The following MARCHF3 variants were observed in gnomAD, a reference collection of about 807,000 sequenced individuals.
MARCHF3 encodes the protein membrane associated ring-CH-type finger 3, also known as E3 ubiquitin-protein ligase MARCHF3.
MARCHF3 carries 13 observed loss-of-function variants against 24.2 expected under a neutral mutation model. The ratio of observed to expected loss-of-function variants is 0.54; its 90% CI spans 0.35 to 0.85. The LOEUF (loss-of-function observed/expected upper bound fraction) is 0.85, where lower values mean the gene tolerates loss of function less well. Ranked by LOEUF, MARCHF3 falls within the 40% of genes least tolerant of loss-of-function variation. The probability of loss-of-function intolerance (pLI) is 0.01; values close to 1 mark genes in which losing one functional copy is unlikely to be tolerated. For synonymous variants in MARCHF3, 144 were observed against 137.3 expected (o/e 1.05, Z -0.34); for missense variants, 276 against 325.0 (o/e 0.85, Z 1.16).
Position 126,911,376 on chromosome 5 carries a change from C to T in MARCHF3, c.393+3554G>A, listed in dbSNP as rs540083215. Among the ~76,000 whole-genome samples the T allele has an allele frequency of 1.5e-4, 23 of 152,324 alleles. No individual in the cohort carries two copies. The South Asian group carries it at 3.9e-3, about 26-fold the overall frequency. On this transcript the variant is annotated intron_variant, in intron 3 of 4. Coordinates refer to ENST00000308660, the MANE Select transcript of MARCHF3 (RefSeq NM_178450.5). ...GCCGACATGTGATGTCTCCCCCAGACACCCAGCTTTAAAATTTCTCTCTTT... is the reference window on the plus strand; with the variant it reads ...GCCGACATGTGATGTCTCCCCCAGATACCCAGCTTTAAAATTTCTCTCTTT...
At chr5:126,891,212 G>C (rs1432083372) in intron 3 of MARCHF3, among the ~76,000 whole-genome samples, 3 of 151,288 alleles carry the variant, frequency 2.0e-5, no homozygotes, top group South Asian at 2.1e-4. Context: ...GAGTAGGTTG[G>C]GAAAATTTTC....
intron 1 of MARCHF3, among the ~76,000 whole-genome samples, chr5:126,974,189 G>A (rs1305624988): frequency 2.0e-5 from 3 of 152,068 alleles, no homozygotes; most frequent in Admixed American, 6.5e-5. Flanking sequence ...GAGCCACCGC[G>A]CCCGGCCGCA....
chr5:126,973,879 ATTTTTTTTTTT>A (rs10585434), intron 1 of MARCHF3, among the ~76,000 whole-genome samples: 51 of 82,976 alleles, frequency 6.1e-4, no homozygotes, highest in East Asian at 1.2e-3. Flanking sequence ...AGCAAAATCT[ATTTTTTTTTTT>A]TTTTTTTTTT....
chr5:126,901,131 A>C (rs1301825939), intron 3 of MARCHF3, among the ~76,000 whole-genome samples: 1 of 152,130 alleles, frequency 6.6e-6, no homozygotes, highest in East Asian at 1.9e-4. Context: ...AATATCTGCT[A>C]TGAGAAGGAT....
chr5:127,011,137 C>T (rs1334103540), intron 1 of MARCHF3, among the ~76,000 whole-genome samples: 1 of 152,154 alleles, frequency 6.6e-6, no homozygotes, highest in Non-Finnish European at 1.5e-5. Flanking sequence ...ATGAAATAAT[C>T]CTAGTTCAAA....
rs1208350804 is a variant in MARCHF3, at chr5:126,985,608, ACAGGC to A, written c.-57+44737_-57+44741del. Among the ~76,000 whole-genome samples, 4 of 151,740 alleles carry A rather than the reference ACAGGC, an allele frequency of 2.6e-5. No individual in the cohort carries two copies. The East Asian group carries it at 7.7e-4, about 29-fold the overall frequency. On this transcript the variant is annotated intron_variant, in intron 1 of 4. Transcript: ENST00000308660. ...CCTCACCTCCCGAATAGCTGGGACTACAGGCGCCCGCCACCACGCCTGGCTAATTT... is the reference window on the plus strand; with the variant it reads ...CCTCACCTCCCGAATAGCTGGGACTAGCCCGCCACCACGCCTGGCTAATTT...
intron 3 of MARCHF3, among the ~76,000 whole-genome samples, chr5:126,886,782 A>G (rs1470123255): frequency 6.6e-6 from 1 of 152,124 alleles, no homozygotes; most frequent in Admixed American, 6.5e-5. Context: ...CCCCACAAAT[A>G]GATTCCTCTC....
At chr5:127,018,237 G>T (rs997412632) in intron 1 of MARCHF3, among the ~76,000 whole-genome samples, 6 of 152,140 alleles carry the variant, frequency 3.9e-5, no homozygotes, top group African/African-American at 1.4e-4. Flanking sequence ...CAGGTATGGT[G>T]GTGGGCGCCT....
chr5:127,024,884 T>C (rs1258197009), intron 1 of MARCHF3, among the ~76,000 whole-genome samples: 1 of 152,212 alleles, frequency 6.6e-6, no homozygotes, highest in East Asian at 1.9e-4. Flanking sequence ...TTGAAATATG[T>C]TTATATTTTA....
intron 1 of MARCHF3, among the ~76,000 whole-genome samples, chr5:127,014,829 C>G (rs1752584223): frequency 6.6e-6 from 1 of 152,014 alleles, no homozygotes; most frequent in South Asian, 2.1e-4. Flanking sequence ...TGGGGATAGG[C>G]AGAAATTGGT....
chr5:127,013,666 A>T (rs1752542016), intron 1 of MARCHF3, among the ~76,000 whole-genome samples: 1 of 152,160 alleles, frequency 6.6e-6, no homozygotes, highest in African/African-American at 2.4e-5. Flanking sequence ...ACATAAACAC[A>T]ATCTGGATGA....
chr5:127,023,602 C>T (rs901305204), intron 1 of MARCHF3, among the ~76,000 whole-genome samples: 18 of 151,694 alleles, frequency 1.2e-4, no homozygotes, highest in African/African-American at 2.9e-4. Flanking sequence ...TGTGGTGGTG[C>T]ATGCGTGTAA....
chr5:126,869,936 C>T lies in MARCHF3; in HGVS notation c.*697G>A, dbSNP rs999624317. On this transcript the variant is annotated 3_prime_UTR_variant, in exon 5 of 5. Coordinates refer to ENST00000308660, the MANE Select transcript of MARCHF3 (RefSeq NM_178450.5). ...TCAGTACCAAACAAGTTGAAAGGAG[C>T]GAGCTTCTCACCATATTTTTTTTTC... 5 of 152,536 alleles carry T rather than the reference C, an allele frequency of 3.3e-5. 1 individual carries two copies. Among genetic ancestry groups the T allele is most frequent in the African/African-American group, 1.2e-4 (5 of 41,488 alleles). The allele number at this position is 152,536 out of a possible 1,614,324, so 9.4% of individuals were successfully genotyped here. A position where few individuals can be genotyped will look rare whatever the true frequency, so the allele number is the denominator to read the frequency against.
intron 1 of MARCHF3, among the ~76,000 whole-genome samples, chr5:126,934,469 T>A (rs977018991): frequency 1.4e-4 from 22 of 152,034 alleles, no homozygotes; most frequent in African/African-American, 4.8e-4. Flanking sequence ...ATAATCCTTA[T>A]GTTCATTACC....
chr5:126,983,062 G>A (rs1210870705), intron 1 of MARCHF3, among the ~76,000 whole-genome samples: 2 of 152,124 alleles, frequency 1.3e-5, no homozygotes, highest in South Asian at 2.1e-4. Flanking sequence ...GAGGGAGTAG[G>A]GAGTATGGGG....
intron 1 of MARCHF3, among the ~76,000 whole-genome samples, chr5:126,973,385 C>T (rs1276904249): frequency 6.6e-6 from 1 of 152,198 alleles, no homozygotes; most frequent in Non-Finnish European, 1.5e-5. Context: ...TGTGGAGGTC[C>T]GAGCACAACG....
At chr5:126,994,696 T>C (rs4836308) in intron 1 of MARCHF3, among the ~76,000 whole-genome samples, 18 of 152,200 alleles carry the variant, frequency 1.2e-4, no homozygotes, top group Non-Finnish European at 2.2e-4. Context: ...AGGATATATG[T>C]ATATATGAAA....
intron 3 of MARCHF3, among the ~76,000 whole-genome samples, chr5:126,895,075 G>A (rs1188405632): frequency 6.6e-6 from 1 of 151,772 alleles, no homozygotes; most frequent in Non-Finnish European, 1.5e-5. Context: ...TTCCATTGCT[G>A]ATGCCCTTTC....
At chr5:126,914,799 C>CACACAT in intron 3 of MARCHF3, 131 bp downstream of exon 3, 6 of 773,088 alleles carry the variant, frequency 7.8e-6, no homozygotes, top group Admixed American at 4.1e-5. Flanking sequence ...CACACACACA[C>CACACAT]ACACACACAC....
Sources: gnomAD v4.1 joint callset for allele counts (sites outside exome capture counted in the v4.1 genomes callset) on GRCh38, gnomAD v4.1.1 for gene constraint, MANE v1.5 for transcripts, NCBI Gene and HGNC (gene_info 2026-07-23, HGNC 2026-07-21) for gene names.